MAPK6: variants seen among roughly 807,000 people sequenced by gnomAD.
The protein encoded by MAPK6 is mitogen-activated protein kinase 6, also known as ERK-3.
A neutral mutation model predicts 59.3 loss-of-function variants in MAPK6; 19 were observed. That is an observed-to-expected ratio of 0.32 (90% confidence interval 0.22 to 0.47). MAPK6 has a LOEUF of 0.47. MAPK6 is among the 20% of genes least tolerant of loss of function. MAPK6 has a pLI of 1.00. For missense variants in MAPK6, 724 were observed against 847.9 expected (o/e 0.85, Z 1.81); for synonymous variants, 316 against 290.3 (o/e 1.09, Z -0.90).
At chr15:51,995,814 GCTA>G (rs1341069873) in intron 2 of MAPK6, among the ~76,000 whole-genome samples, 2 of 152,128 alleles carry the variant, frequency 1.3e-5, no homozygotes, top group African/African-American at 4.8e-5. Context: ...TATAGTCCCA[GCTA>G]CTCAGGAGGC....
chr15:52,016,070 G>GCACACACA (rs1175427042), upstream of MAPK6, among the ~76,000 whole-genome samples: 3,850 of 55,308 alleles, frequency 0.07, 305 homozygotes, highest in Admixed American at 0.088. Flanking sequence ...GCGCGCGCGC[G>GCACACACA]CACACACACA....
intron 1 of MAPK6, among the ~76,000 whole-genome samples, 200 bp from the exon 2 acceptor site, chr15:52,045,630 C>T (rs904843734): frequency 2.6e-5 from 4 of 152,000 alleles, no homozygotes; most frequent in South Asian, 2.1e-4. Context: ...ATCTGGAGCC[C>T]GGGCCAACGT....
chr15:51,972,021 G>A (rs1404216090), intron 1 of MAPK6, among the ~76,000 whole-genome samples: 1 of 152,130 alleles, frequency 6.6e-6, no homozygotes, highest in African/African-American at 2.4e-5. Context: ...GGTGGGCGGT[G>A]ACTGGCGCTC....
At chr15:52,032,940 C>G (rs1305912228) in intron 1 of MAPK6, among the ~76,000 whole-genome samples, 2 of 152,104 alleles carry the variant, frequency 1.3e-5, no homozygotes, top group African/African-American at 4.8e-5. Context: ...CCGCTTCAGC[C>G]TCCCAAAGTG....
Position 52,063,970 on chromosome 15 carries a change from AGCTTGATCCAAGAG to A in MAPK6, c.1137_1150del (p.Gln379HisfsTer7), listed in dbSNP as rs2032309934. ...AACAACTTTGATATTGATGAAGTTC[AGCTTGATCCAAGAG>A]CTCTGTCCGATGTCACTGATGAAGA... On this transcript the variant is annotated frameshift_variant, in exon 6 of 6. Coordinates refer to ENST00000261845, the MANE Select transcript of MAPK6 (RefSeq NM_002748.4). LOFTEE classifies it high-confidence loss of function. 6.2e-7 allele frequency: 1 copy of A among 1,610,178 alleles called. No homozygotes were observed. Among genetic ancestry groups the A allele is most frequent in the African/African-American group, 1.3e-5 (1 of 74,816 alleles).
At chr15:51,996,092 C>G (rs2057223425) in intron 2 of MAPK6, among the ~76,000 whole-genome samples, 1 of 152,180 alleles carries the variant, frequency 6.6e-6, no homozygotes, top group South Asian at 2.1e-4. Flanking sequence ...CCAGGCCTTT[C>G]TAAGGACAGA....
intron 3 of MAPK6, among the ~76,000 whole-genome samples, chr15:52,054,143 G>T (rs1316089708): frequency 6.6e-6 from 1 of 151,754 alleles, no homozygotes; most frequent in Non-Finnish European, 1.5e-5. Context: ...GGAGGCAAGT[G>T]GATCACCTGA....
intron 1 of MAPK6, among the ~76,000 whole-genome samples, chr15:52,035,270 A>T (rs1327867064): frequency 6.6e-6 from 1 of 152,202 alleles, no homozygotes; most frequent in Non-Finnish European, 1.5e-5. Context: ...GCTGCCTTGA[A>T]CATGGTAGAG....
rs2032433947 is a variant in MAPK6, at chr15:52,066,788, G to GTGTGTGTA, written c.*1793_*1794insGTATGTGT. The GTGTGTGTA allele has an allele frequency of 7.1e-6, 1 of 140,680 alleles. No individual in the cohort carries two copies. Among genetic ancestry groups the GTGTGTGTA allele is most frequent in the Non-Finnish European group, 1.5e-5 (1 of 64,648 alleles). The allele number at this position is 140,680 out of a possible 1,614,324, so 8.7% of individuals were successfully genotyped here. On this transcript the variant is annotated 3_prime_UTR_variant, in exon 6 of 6. Transcript: ENST00000261845. ...CGTGTGTGTGTGTGTGTGTGTGTGTGTGTGTATATATATTCATTTATTTAT... is the reference window on the plus strand; with the variant it reads ...CGTGTGTGTGTGTGTGTGTGTGTGTGTGTGTGTATGTGTATATATATTCATTTATTTAT...
intron 1 of MAPK6, among the ~76,000 whole-genome samples, chr15:52,023,681 G>T (rs761227818): frequency 1.3e-5 from 2 of 152,172 alleles, no homozygotes; most frequent in African/African-American, 4.8e-5. Context: ...GCGCCATCTC[G>T]GCTCACTGCA....
At chr15:52,021,920 A>G (rs989554633) in intron 1 of MAPK6, among the ~76,000 whole-genome samples, 5 of 152,176 alleles carry the variant, frequency 3.3e-5, no homozygotes, top group Admixed American at 2.6e-4. Context: ...GTACAGTTCT[A>G]AGTTGAAACT....
intron 3 of MAPK6, among the ~76,000 whole-genome samples, chr15:52,010,406 G>C (rs985630865): frequency 6.6e-6 from 1 of 151,256 alleles, no homozygotes. Context: ...GTAGAGACAG[G>C]GTTTCTCCAT....
chr15:52,061,733 A>T (rs2032210021), intron 5 of MAPK6, among the ~76,000 whole-genome samples: 1 of 152,158 alleles, frequency 6.6e-6, no homozygotes, highest in South Asian at 2.1e-4. Flanking sequence ...AGATTATGCC[A>T]CTGCATTCCA....
intron 1 of MAPK6, among the ~76,000 whole-genome samples, chr15:51,978,306 G>T (rs1018202675): frequency 4.0e-5 from 6 of 151,606 alleles, no homozygotes; most frequent in East Asian, 3.9e-4. Context: ...CTAATTTTTT[G>T]TATTTTTAGT....
chr15:52,041,715 A>G (rs974526220), intron 1 of MAPK6, among the ~76,000 whole-genome samples: 1 of 152,174 alleles, frequency 6.6e-6, no homozygotes, highest in Non-Finnish European at 1.5e-5. Context: ...TAAGGTGATA[A>G]GGAGGGAACA....
chr15:52,035,824 C>G (rs2031224033), intron 1 of MAPK6, among the ~76,000 whole-genome samples: 1 of 152,048 alleles, frequency 6.6e-6, no homozygotes, highest in African/African-American at 2.4e-5. Flanking sequence ...ATGAGAATAG[C>G]CATGGTCTCT....
rs371636218 is a variant in MAPK6 at position 51,998,030 on chromosome 15, A to G, written c.-769-6235A>G. On this transcript the variant is annotated intron_variant, in intron 2 of 7. Transcript: ENST00000691380. ...ATGATCTCAGCTCACTGCAACCTCT[A>G]CCTCCCGTGTTCAAGCAATTCTCCC... is the stretch of plus-strand genomic sequence containing the variant. 2.5e-3 allele frequency among the ~76,000 whole-genome samples: 367 copies of G among 145,834 alleles called. 3 individuals are homozygous for G. The highest frequency in any genetic ancestry group is 8.8e-3 in the African/African-American group (345 of 39,168).
chr15:52,012,724 T>C (rs2030087719), intron 3 of MAPK6, among the ~76,000 whole-genome samples: 1 of 151,870 alleles, frequency 6.6e-6, no homozygotes, highest in Non-Finnish European at 1.5e-5. Context: ...CACGATGGCT[T>C]ACACCTGTAA....
rs1390432519 is a variant in MAPK6 at position 52,019,220 on chromosome 15, T to C, written c.-788T>C. Reference sequence around the variant, plus strand: ...TGGCACCGCGAAGCCCCGCCCCCTCTTCCTCGCCCTCTCTCGCGGGTCGGG... The same window carrying C: ...TGGCACCGCGAAGCCCCGCCCCCTCCTCCTCGCCCTCTCTCGCGGGTCGGG... On this transcript the variant is annotated 5_prime_UTR_variant, in exon 1 of 6. Coordinates refer to ENST00000261845, the MANE Select transcript of MAPK6 (RefSeq NM_002748.4). 4 of 151,970 alleles carry C rather than the reference T, an allele frequency of 2.6e-5. No individual in the cohort carries two copies. Among genetic ancestry groups the C allele is most frequent in the South Asian group, 2.1e-4 (1 of 4,812 alleles). 9.4% of individuals were successfully genotyped at this position (151,970 alleles called of 1,614,324 possible).
Sources: allele counts gnomAD v4.1 joint callset (sites outside exome capture counted in the v4.1 genomes callset), GRCh38; gene constraint gnomAD v4.1.1; transcripts MANE v1.5; gene names NCBI Gene and HGNC (gene_info 2026-07-23, HGNC 2026-07-21).